The following SPECC1L variants were observed in gnomAD, a reference collection of about 807,000 sequenced individuals.
SPECC1L encodes the protein cytospin-A.
A neutral mutation model predicts 116.8 loss-of-function variants in SPECC1L; 40 were observed. The observed-to-expected ratio is 0.34, with a 90% CI of 0.27 to 0.45. SPECC1L has a LOEUF of 0.45. Ranked by LOEUF, SPECC1L falls within the 20% of genes least tolerant of loss-of-function variation. The probability of loss-of-function intolerance (pLI) is 1.00; values close to 1 mark genes in which losing one functional copy is unlikely to be tolerated. For missense variants in SPECC1L, 1,110 were observed against 1,373.6 expected, an observed-to-expected ratio of 0.81 and a Z score of 3.03; for synonymous variants, 504 against 500.6, an observed-to-expected ratio of 1.01 and a Z score of -0.09.
In SPECC1L at chr22:24,322,400, C is replaced by G; in HGVS notation, c.1420C>G (p.His474Asp). The change falls in exon 5 of 17, where the codon CAC becomes GAC. Residue 474 changes from histidine to aspartate, a missense_variant. His to Asp is a moderately conservative substitution (Grantham distance 81). Coordinates refer to ENST00000314328, the MANE Select transcript of SPECC1L (RefSeq NM_015330.6). Reference protein sequence around the residue: ...EYFRSLLDEHHISYVIDEDVK... With the variant: ...EYFRSLLDEHDISYVIDEDVK... ...CTTCCGCTCTCTTCTAGATGAGCAT[C>G]ACATTTCTTATGTCATAGATGAAGA... 6.2e-7 allele frequency: 1 copy of G among 1,614,176 alleles called. No individual in the cohort carries two copies. Among genetic ancestry groups the G allele is most frequent in the Non-Finnish European group, 8.5e-7 (1 of 1,180,040 alleles).
chr22:24,320,165 A>G (rs1026174551), intron 4 of SPECC1L, among the ~76,000 whole-genome samples: 1 of 152,164 alleles, frequency 6.6e-6, no homozygotes, highest in Non-Finnish European at 1.5e-5. Context: ...AATCCCAGCT[A>G]CTTGGGAGGC....
At chr22:24,349,833 G>T (rs566330001) in intron 11 of SPECC1L, among the ~76,000 whole-genome samples, 1 of 152,236 alleles carries the variant, frequency 6.6e-6, no homozygotes, top group Admixed American at 6.5e-5. Flanking sequence ...TCTCAGCTGG[G>T]TTCTGGCAAA....
At chr22:24,317,343 C>A (rs1427004137) in intron 4 of SPECC1L, among the ~76,000 whole-genome samples, 1 of 105,362 alleles carries the variant, frequency 9.5e-6, no homozygotes. Flanking sequence ...CCGGACGGGG[C>A]GGCTGGCCGG....
chr22:24,401,746 A>G (rs1372432536), intron 14 of SPECC1L, among the ~76,000 whole-genome samples: 1 of 152,170 alleles, frequency 6.6e-6, no homozygotes, highest in Non-Finnish European at 1.5e-5. Flanking sequence ...TCAGTTTTTC[A>G]AATGGTGAGC....
chr22:24,383,655 T>G (rs1482939649), intron 14 of SPECC1L, among the ~76,000 whole-genome samples: 1 of 152,056 alleles, frequency 6.6e-6, no homozygotes, highest in Non-Finnish European at 1.5e-5. Context: ...TTGATTTTAT[T>G]TTTTGAGACA....
chr22:24,332,617 C>A (rs534324130), intron 8 of SPECC1L, among the ~76,000 whole-genome samples: 12 of 152,086 alleles, frequency 7.9e-5, no homozygotes, highest in Middle Eastern at 3.4e-3. Flanking sequence ...AGGTTGAATA[C>A]AGAAGAAATG....
intron 8 of SPECC1L, among the ~76,000 whole-genome samples, 168 bp downstream of exon 8, chr22:24,330,599 T>A (rs1311455796): frequency 6.6e-6 from 1 of 152,230 alleles, no homozygotes; most frequent in Non-Finnish European, 1.5e-5. Flanking sequence ...ACATGTAAAC[T>A]AGTACCATCT....
In SPECC1L at chr22:24,276,316, C is replaced by G. The variant is rs117208220; in HGVS notation, c.-141-384C>G. 1.0e-3 allele frequency among the ~76,000 whole-genome samples: 152 copies of G among 152,290 alleles called. 5 individuals carry two copies. The East Asian group carries it at 0.019, about 19-fold the overall frequency. ...GTGTGGTGGTGCGCACCTGTGGTCTCAGGTACTTGAGAGGCTGAGGCAGGG... is the reference window on the plus strand; with the variant it reads ...GTGTGGTGGTGCGCACCTGTGGTCTGAGGTACTTGAGAGGCTGAGGCAGGG... On this transcript the variant is annotated intron_variant, in intron 1 of 16. Coordinates refer to ENST00000314328, the MANE Select transcript of SPECC1L (RefSeq NM_015330.6).
chr22:24,410,141 GT>G (rs2042666438), intron 14 of SPECC1L, among the ~76,000 whole-genome samples: 1 of 152,228 alleles, frequency 6.6e-6, no homozygotes, highest in Non-Finnish European at 1.5e-5. Context: ...AGTTACAGAG[GT>G]GTTTTGGTTT....
chr22:24,406,041 A>G (rs1358353755), intron 14 of SPECC1L, among the ~76,000 whole-genome samples: 1 of 152,050 alleles, frequency 6.6e-6, no homozygotes, highest in East Asian at 1.9e-4. Context: ...TCCAAGACAT[A>G]AAAGCTTTAG....
At chr22:24,380,595 A>G (rs2042047390) in intron 14 of SPECC1L, among the ~76,000 whole-genome samples, 1 of 152,242 alleles carries the variant, frequency 6.6e-6, no homozygotes, top group Admixed American at 6.5e-5. Flanking sequence ...AGCATCCATT[A>G]CAAAACAAGC....
At chr22:24,358,604 G>A (rs5760360) in intron 11 of SPECC1L, among the ~76,000 whole-genome samples, 12,072 of 152,186 alleles carry the variant, frequency 0.079, 920 homozygotes, top group African/African-American at 0.19. Flanking sequence ...GACAGAGTTT[G>A]TATACAAACT....
chr22:24,301,704 A>T (rs947394926), intron 2 of SPECC1L, among the ~76,000 whole-genome samples: 1 of 152,166 alleles, frequency 6.6e-6, no homozygotes, highest in African/African-American at 2.4e-5. Context: ...GTTTAAAAAT[A>T]GTAAGTCAGG....
At chr22:24,282,804 G>T (rs1601490177) in intron 2 of SPECC1L, among the ~76,000 whole-genome samples, 1 of 150,456 alleles carries the variant, frequency 6.6e-6, no homozygotes, top group South Asian at 2.1e-4. Flanking sequence ...TTAAGACGGG[G>T]TCGCACCCTG....
At chr22:24,376,577 G>A (rs1025080984) in intron 14 of SPECC1L, among the ~76,000 whole-genome samples, 10 of 152,066 alleles carry the variant, frequency 6.6e-5, no homozygotes, top group Non-Finnish European at 1.2e-4. Context: ...TAAATAAATG[G>A]AAAGACATAC....
chr22:24,339,775 ATGT>A (rs2041133715), intron 10 of SPECC1L, among the ~76,000 whole-genome samples: 2 of 145,048 alleles, frequency 1.4e-5, no homozygotes, highest in South Asian at 4.3e-4. Context: ...TATATACAAG[ATGT>A]TATGTCCTTT....
chr22:24,359,982 T>A (rs2041611064), intron 11 of SPECC1L, among the ~76,000 whole-genome samples: 1 of 152,192 alleles, frequency 6.6e-6, no homozygotes, highest in Non-Finnish European at 1.5e-5. Context: ...AGACCCCAAG[T>A]TCCATGAGAG....
chr22:24,361,829 C>CGA (rs550884934), intron 11 of SPECC1L, among the ~76,000 whole-genome samples: 1 of 137,776 alleles, frequency 7.3e-6, no homozygotes, highest in African/African-American at 2.7e-5. Flanking sequence ...AAACAAAAAA[C>CGA]GAGAGAGAGA....
At chr22:24,281,802 A>C (rs1292180126) in intron 2 of SPECC1L, among the ~76,000 whole-genome samples, 1 of 152,216 alleles carries the variant, frequency 6.6e-6, no homozygotes, top group East Asian at 1.9e-4. Flanking sequence ...TGCACTGGCT[A>C]GAACTTCTAA....
Sources: allele counts gnomAD v4.1 joint callset (sites outside exome capture counted in the v4.1 genomes callset), GRCh38; gene constraint gnomAD v4.1.1; transcripts MANE v1.5; gene names NCBI Gene and HGNC (gene_info 2026-07-23, HGNC 2026-07-21).